Variants in FAT3 observed in about 807,000 individuals in gnomAD.
FAT3 encodes the protein protocadherin Fat 3.
In FAT3, 95 loss-of-function variants were observed where a neutral mutation model predicts 310.2. That is an observed-to-expected ratio of 0.31 (90% CI 0.26 to 0.36). The LOEUF is 0.36. Among genes scored for constraint, FAT3 ranks in the 10% least tolerant of loss-of-function variants. The pLI is 1.00. For missense variants in FAT3, 5,408 were observed against 5,715.6 expected (o/e 0.95, Z 1.74); for synonymous variants, 2,314 against 2,192.9 (o/e 1.06, Z -1.54).
chr11:92,274,230 G>T (rs1259023296), intron 1 of FAT3, among the ~76,000 whole-genome samples: 1 of 151,966 alleles, frequency 6.6e-6, no homozygotes, highest in African/African-American at 2.4e-5. Context: ...TGACAATAGA[G>T]AATTGGTTGA....
rs755228826 is a variant in FAT3 at position 92,352,886 on chromosome 11, C to T, written c.774C>T (p.Arg258=). The change falls in exon 2 of 28, where the codon CGC becomes CGT. Residue 258 remains arginine, a synonymous_variant. Transcript: ENST00000525166. ...CAAAGCTTTATGTTCACATTGAGCG[C>T]ATAAATGAACATGCCCCAACAATCC... The part of the protein sequence containing the change: ...STAKLYVHIE[R]INEHAPTIHV... The T allele has an allele frequency of 6.2e-7, 1 of 1,613,770 alleles. No homozygotes were observed. The highest frequency in any genetic ancestry group is 1.1e-5 in the South Asian group (1 of 91,062).
chr11:92,249,624 C>T (rs1310505251), intron 1 of FAT3, among the ~76,000 whole-genome samples: 1 of 152,030 alleles, frequency 6.6e-6, no homozygotes, highest in Non-Finnish European at 1.5e-5. Context: ...AAGACTGATA[C>T]TCGTATCACA....
At chr11:92,631,533 C>T (rs1028831821) in intron 3 of FAT3, among the ~76,000 whole-genome samples, 1 of 152,038 alleles carries the variant, frequency 6.6e-6, no homozygotes, top group Non-Finnish European at 1.5e-5. Context: ...GCTCTTCCCC[C>T]TTTGCTTTCT....
chr11:92,438,168 T>C (rs189998497), intron 2 of FAT3, among the ~76,000 whole-genome samples: 10 of 152,334 alleles, frequency 6.6e-5, no homozygotes, highest in African/African-American at 1.9e-4. Context: ...TAAACACATG[T>C]TAAGTAAGAA....
chr11:92,808,125 A>G (rs1947559957), intron 12 of FAT3, among the ~76,000 whole-genome samples: 1 of 152,218 alleles, frequency 6.6e-6, no homozygotes, highest in Non-Finnish European at 1.5e-5. Context: ...TTGAGTAGCC[A>G]GTAGACATAA....
chr11:92,396,113 C>T (rs1949863671), intron 2 of FAT3, among the ~76,000 whole-genome samples: 1 of 152,142 alleles, frequency 6.6e-6, no homozygotes, highest in South Asian at 2.1e-4. Flanking sequence ...TAATAGCTTC[C>T]TTCACCTACA....
intron 7 of FAT3, among the ~76,000 whole-genome samples, chr11:92,784,235 T>C (rs867338298): frequency 6.6e-6 from 1 of 152,242 alleles, no homozygotes; most frequent in Non-Finnish European, 1.5e-5. Flanking sequence ...ATTTATAAAC[T>C]GTAAAACAAG....
intron 1 of FAT3, among the ~76,000 whole-genome samples, chr11:92,286,296 T>C (rs539674449): frequency 6.6e-6 from 1 of 152,272 alleles, no homozygotes; most frequent in East Asian, 1.9e-4. Context: ...CTGCCAGTGA[T>C]AGGATCAGTC....
chr11:92,566,264 C>A (rs1237413427), intron 3 of FAT3, among the ~76,000 whole-genome samples: 3 of 152,168 alleles, frequency 2.0e-5, no homozygotes, highest in East Asian at 1.9e-4. Flanking sequence ...AGAGCTAAAT[C>A]ATGAGTGAAC....
chr11:92,860,525 C>T (rs1001165621), intron 21 of FAT3, among the ~76,000 whole-genome samples: 2 of 152,208 alleles, frequency 1.3e-5, no homozygotes, highest in African/African-American at 4.8e-5. Context: ...CACCAGGTTG[C>T]TATGTCAGCC....
intron 3 of FAT3, among the ~76,000 whole-genome samples, chr11:92,624,395 T>G (rs472902): frequency 0.57 from 87,174 of 152,104 alleles, 26,742 homozygotes; most frequent in African/African-American, 0.8. Context: ...TTAGAACTTG[T>G]CTGGGTCAGA....
At chr11:92,736,193 G>T (rs950766492) in intron 4 of FAT3, among the ~76,000 whole-genome samples, 11 of 152,118 alleles carry the variant, frequency 7.2e-5, no homozygotes, top group Non-Finnish European at 1.5e-4. Flanking sequence ...CCAAACTGTT[G>T]TGCTGACCCA....
chr11:92,587,761 G>A (rs1939226872), intron 3 of FAT3, among the ~76,000 whole-genome samples: 1 of 151,924 alleles, frequency 6.6e-6, no homozygotes, highest in Middle Eastern at 3.4e-3. Context: ...GGGCTAATAT[G>A]GAACGTGTTC....
Position 92,798,092 on chromosome 11 carries a change from C to T in FAT3, c.5079C>T (p.Ile1693=), listed in dbSNP as rs771454774. ...ACATTGGAACATCAGTCATTCTAAT[C>T]TCTGCCATCAGTCAATCTACCCTCA... is the stretch of plus-strand genomic sequence containing the variant. The part of the protein sequence containing the change: ...NVDIGTSVIL[I]SAISQSTLIY... The change falls in exon 10 of 28, where the codon ATC becomes ATT. Residue 1693 remains isoleucine, a synonymous_variant. Coordinates refer to ENST00000525166, the MANE Select transcript of FAT3 (RefSeq NM_001367949.2). 1.2e-6 allele frequency: 2 copies of T among 1,613,924 alleles called. No homozygotes were observed. The highest frequency in any genetic ancestry group is 1.7e-6 in the Non-Finnish European group (2 of 1,179,856).
At chr11:92,398,485 A>C (rs1949935063) in intron 2 of FAT3, among the ~76,000 whole-genome samples, 2 of 135,164 alleles carry the variant, frequency 1.5e-5, no homozygotes, top group South Asian at 4.9e-4. Context: ...TGGGAAAAAG[A>C]GTGTAACTCC....
At chr11:92,262,334 T>G (rs980924102) in intron 1 of FAT3, among the ~76,000 whole-genome samples, 4 of 152,156 alleles carry the variant, frequency 2.6e-5, no homozygotes, top group African/African-American at 7.2e-5. Flanking sequence ...CAGAAGTTGC[T>G]TCAATGGTTC....
chr11:92,579,355 C>G (rs1425513582), intron 3 of FAT3, among the ~76,000 whole-genome samples: 1 of 152,004 alleles, frequency 6.6e-6, no homozygotes, highest in Non-Finnish European at 1.5e-5. Context: ...TAAATTATGA[C>G]CAGAGGATTA....
At chr11:92,596,692 T>A (rs1939723948) in intron 3 of FAT3, among the ~76,000 whole-genome samples, 1 of 152,164 alleles carries the variant, frequency 6.6e-6, no homozygotes, top group South Asian at 2.1e-4. Flanking sequence ...TTAAAAAAGT[T>A]TTGACTAAAT....
intron 4 of FAT3, among the ~76,000 whole-genome samples, chr11:92,754,427 C>T (rs1945924558): frequency 6.6e-6 from 1 of 151,468 alleles, no homozygotes; most frequent in Non-Finnish European, 1.5e-5. Flanking sequence ...AGATCGAGAC[C>T]ATCCTGGCTA....
Sources: gnomAD v4.1 joint callset for allele counts (sites outside exome capture counted in the v4.1 genomes callset) on GRCh38, gnomAD v4.1.1 for gene constraint, MANE v1.5 for transcripts, NCBI Gene and HGNC (gene_info 2026-07-23, HGNC 2026-07-21) for gene names.